LTF: variants seen among roughly 807,000 people sequenced by gnomAD.
LTF encodes the protein epididymis luminal protein 110.
LTF carries 91 observed loss-of-function variants against 87.2 expected under a neutral mutation model. That is an observed-to-expected ratio of 1.04 (90% confidence interval 0.88 to 1.24). LTF has a LOEUF of 1.24. LTF is among the 50% of genes most tolerant of loss of function. The probability of loss-of-function intolerance (pLI) is 0.00; values close to 1 mark genes in which losing one functional copy is unlikely to be tolerated. For synonymous variants in LTF, 378 were observed against 356.1 expected (o/e 1.06, Z -0.69); for missense variants, 901 against 904.3 (o/e 1.00, Z 0.05).
rs559451445 is a variant in LTF at position 46,452,026 on chromosome 3, G to A, written c.704-1353C>T. Among the ~76,000 whole-genome samples, 3 of 152,276 alleles carry A rather than the reference G, an allele frequency of 2.0e-5. No homozygotes were observed. The South Asian group carries it at 6.2e-4, about 32-fold the overall frequency. ...CTGTTACAATGCCAGCACAATTCTA[G>A]ATATCCAGATCACACAATTTACAAA... On this transcript the variant is annotated intron_variant, in intron 6 of 16. Transcript: ENST00000231751.
At chr3:46,475,184 T>C (rs1465024034) in intron 1 of LTF, among the ~76,000 whole-genome samples, 2 of 152,174 alleles carry the variant, frequency 1.3e-5, no homozygotes, top group South Asian at 2.1e-4. Flanking sequence ...ACAACTGATA[T>C]GAAATTGACC....
chr3:46,471,669 C>G (rs1478733201), intron 1 of LTF, among the ~76,000 whole-genome samples: 1 of 152,168 alleles, frequency 6.6e-6, no homozygotes. Context: ...CCTACCTCGC[C>G]CTGTGTAGCA....
intron 6 of LTF, among the ~76,000 whole-genome samples, 192 bp from the exon 7 acceptor site, chr3:46,450,865 C>T (rs1702787497): frequency 2.0e-5 from 3 of 152,190 alleles, no homozygotes; most frequent in Admixed American, 2.0e-4. Context: ...CCTCAGGGGG[C>T]AGCCGAGGTG....
chr3:46,440,436 A>G (rs1434251623), intron 14 of LTF, among the ~76,000 whole-genome samples: 1 of 152,242 alleles, frequency 6.6e-6, no homozygotes, highest in Non-Finnish European at 1.5e-5. Flanking sequence ...ATTAAATTTG[A>G]CATCAATCTG....
intron 7 of LTF, 84 bp downstream of exon 7, chr3:46,450,411 G>C: frequency 7.1e-7 from 1 of 1,403,026 alleles, no homozygotes; most frequent in South Asian, 1.2e-5. Flanking sequence ...AGGACTTCTG[G>C]AGTGGCAGAA....
rs772852023 is a variant in LTF, at chr3:46,449,919, G to T, written c.992C>A (p.Pro331Gln). Residue 331 changes from proline (P) to glutamine (Q), a missense_variant, in exon 8 of 17, where the codon CCG (proline) becomes CAG (glutamine). By Grantham distance (76) the Pro-to-Gln change is moderately conservative (BLOSUM62 -1). Coordinates refer to ENST00000231751, the MANE Select transcript of LTF (RefSeq NM_002343.6). ...AAGGTACAGCCCAGAATCTATCCTC[G>T]GGGGCACCCTCGAAAACCCAATGGC... ...DSAIGFSRVP[P>Q]RIDSGLYLGS... 4 of 1,614,082 alleles carry T rather than the reference G, an allele frequency of 2.5e-6. No individual in the cohort carries two copies. The highest frequency in any genetic ancestry group is 3.4e-6 in the Non-Finnish European group (4 of 1,180,002).
chr3:46,443,934 T>A (rs74425150), intron 12 of LTF, among the ~76,000 whole-genome samples: 12,443 of 152,140 alleles, frequency 0.082, 771 homozygotes, highest in African/African-American at 0.16. Flanking sequence ...CTGATTTTGT[T>A]TTTATCAGTA....
intron 1 of LTF, among the ~76,000 whole-genome samples, chr3:46,462,219 CGGACA>C (rs1398113422): frequency 6.6e-6 from 1 of 152,228 alleles, no homozygotes; most frequent in East Asian, 1.9e-4. Context: ...AATGTGTAAG[CGGACA>C]GGACCAGATT....
intron 1 of LTF, among the ~76,000 whole-genome samples, chr3:46,474,624 C>G (rs1235282446): frequency 6.6e-6 from 1 of 152,176 alleles, no homozygotes; most frequent in East Asian, 1.9e-4. Context: ...TTATAGAGCC[C>G]TTTACCCAAC....
chr3:46,454,191 G>T (rs1458094974), intron 6 of LTF, 114 bp downstream of exon 6: 1 of 903,544 alleles, frequency 1.1e-6, no homozygotes, highest in Non-Finnish European at 1.9e-6. Context: ...TGCCCTGTAG[G>T]AATCTTGAAA....
chr3:46,439,470 A>G lies in LTF; in HGVS notation c.1734T>C (p.Asn578=). Residue 578 remains asparagine (N), a synonymous_variant, in exon 15 of 17, where the codon AAT becomes AAC. Transcript: ENST00000231751. ...TVLQNTDGNN[N]EAWAKDLKLA... ...GCTTCAAATCCTTAGCCCATGCCTC[A>G]TTGTTATTTCCTGGGGAGAAAAAGA... The G allele has an allele frequency of 6.2e-7, 1 of 1,604,684 alleles. No individual in the cohort carries two copies.
intron 1 of LTF, among the ~76,000 whole-genome samples, chr3:46,461,631 G>A (rs1213319454): frequency 2.6e-5 from 4 of 152,176 alleles, no homozygotes; most frequent in South Asian, 2.1e-4. Flanking sequence ...TGCTGGGGTA[G>A]AAATGAGGAT....
At chr3:46,465,014 T>C (rs375473659), upstream of LTF, 3 of 770,950 alleles carry the variant, frequency 3.9e-6, no homozygotes, top group East Asian at 5.4e-5. Flanking sequence ...ACTTGTTCCT[T>C]GAGGATCCAG....
At chr3:46,454,593 C>G (rs758352650) in intron 5 of LTF, among the ~76,000 whole-genome samples, 1 of 152,214 alleles carries the variant, frequency 6.6e-6, no homozygotes, top group Admixed American at 6.5e-5. Flanking sequence ...GCTAAGAGGA[C>G]AAAACTTTTT....
chr3:46,449,650 G>A (rs550806582), intron 8 of LTF, among the ~76,000 whole-genome samples: 1 of 152,362 alleles, frequency 6.6e-6, no homozygotes, highest in Admixed American at 6.5e-5. Context: ...GGCCTGGGGA[G>A]CCTGACGTGC....
chr3:46,482,659 A>AGAAAGAAAGAAGGAAGGAAG (rs1553668626), intron 1 of LTF, among the ~76,000 whole-genome samples: 4 of 60,260 alleles, frequency 6.6e-5, no homozygotes, highest in African/African-American at 2.6e-4. Flanking sequence ...AAAGAAAGAA[A>AGAAAGAAAGAAGGAAGGAAG]GAAGGAAGGA....
At chr3:46,471,643 G>A (rs943969335) in intron 1 of LTF, among the ~76,000 whole-genome samples, 16 of 152,202 alleles carry the variant, frequency 1.1e-4, no homozygotes, top group East Asian at 5.8e-4. Flanking sequence ...AGCAGGGAGC[G>A]GGCCACCCGA....
chr3:46,436,200 T>C lies in LTF; in HGVS notation c.2128A>G (p.Lys710Glu). Residue 710 changes from lysine to glutamate, a missense_variant, in exon 17 of 17, where the codon AAG (lysine) becomes GAG (glutamate). By Grantham distance (56) the Lys-to-Glu change is moderately conservative (BLOSUM62 1). Transcript: ENST00000231751. ...PLLEACEFLRK is the reference protein window; with the variant it reads ...PLLEACEFLRE Reference sequence around the variant, plus strand: ...CTGGGCCATCTTCTTCGGTTTTACTTCCTGAGGAATTCACAGGCTTCCAGG... The same window carrying C: ...CTGGGCCATCTTCTTCGGTTTTACTCCCTGAGGAATTCACAGGCTTCCAGG... 6.2e-7 allele frequency: 1 copy of C among 1,614,164 alleles called. No individual in the cohort carries two copies. The highest frequency in any genetic ancestry group is 1.1e-5 in the South Asian group (1 of 91,082).
chr3:46,451,981 G>A (rs1044352797), intron 6 of LTF, among the ~76,000 whole-genome samples: 2 of 152,126 alleles, frequency 1.3e-5, no homozygotes, highest in Non-Finnish European at 2.9e-5. Context: ...GCAAAATCAG[G>A]AACAAGGCAA....
Sources: gnomAD v4.1 joint callset for allele counts (sites outside exome capture counted in the v4.1 genomes callset) on GRCh38, gnomAD v4.1.1 for gene constraint, MANE v1.5 for transcripts, NCBI Gene and HGNC (gene_info 2026-07-23, HGNC 2026-07-21) for gene names.